Variants in SERPINB7 observed in about 807,000 individuals in gnomAD.
SERPINB7 encodes the protein serpin B7.
A neutral mutation model predicts 37.4 loss-of-function variants in SERPINB7; 31 were observed. The ratio of observed to expected loss-of-function variants is 0.83; its 90% CI spans 0.62 to 1.12. The LOEUF is 1.12. SERPINB7 is among the 50% of genes most tolerant of loss of function. The pLI is 0.00. For synonymous variants in SERPINB7, 163 were observed against 166.1 expected (o/e 0.98, Z 0.14); for missense variants, 521 against 455.3 (o/e 1.14, Z -1.31).
At chr18:63,769,388 G>C (rs1316788686) in intron 1 of SERPINB7, among the ~76,000 whole-genome samples, 2 of 151,886 alleles carry the variant, frequency 1.3e-5, no homozygotes, top group Admixed American at 1.3e-4. Context: ...GAAACCACTT[G>C]TTAGAGACTT....
upstream of SERPINB7, among the ~76,000 whole-genome samples, chr18:63,771,976 T>A (rs897619434): frequency 1.3e-4 from 19 of 151,968 alleles, no homozygotes; most frequent in Non-Finnish European, 2.1e-4. Flanking sequence ...TTTTTTAACT[T>A]TTATTTTAAG....
chr18:63,796,480 GCTC>G (rs1431918092), intron 5 of SERPINB7, 97 bp downstream of exon 5: 1 of 641,468 alleles, frequency 1.6e-6, no homozygotes, highest in Non-Finnish European at 2.8e-6. Flanking sequence ...ACAAGGAACA[GCTC>G]CTCCTAGTTC....
rs1568208053 is a variant in SERPINB7, at chr18:63,783,274, GAAA to G, written c.168+735_168+737del. The stretch of plus-strand genomic sequence containing the variant: ...AGAAAGAAAGAAAGAAAGAAAGAAA[GAAA>G]GAAAGAAAGAAAGAAAGAAATGCAA... On this transcript the variant is annotated intron_variant, in intron 2 of 7. Coordinates refer to ENST00000398019, the MANE Select transcript of SERPINB7 (RefSeq NM_003784.4). Among the ~76,000 whole-genome samples, 222 of 149,514 alleles carry G rather than the reference GAAA, an allele frequency of 1.5e-3. 5 individuals carry two copies. The highest frequency in any genetic ancestry group is 9.9e-3 in the South Asian group (46 of 4,636).
chr18:63,790,876 C>T (rs1349648235), intron 2 of SERPINB7, among the ~76,000 whole-genome samples: 3 of 152,132 alleles, frequency 2.0e-5, no homozygotes, highest in Non-Finnish European at 4.4e-5. Context: ...ATAGCAAAGA[C>T]TTGGAACCAA....
intron 2 of SERPINB7, among the ~76,000 whole-genome samples, chr18:63,783,852 A>G (rs564785245): frequency 1.3e-5 from 2 of 152,326 alleles, no homozygotes; most frequent in East Asian, 3.9e-4. Flanking sequence ...GTAACCTGTC[A>G]TACCTCAGGT....
Position 63,791,776 on chromosome 18 carries a change from A to G in SERPINB7, c.169-617A>G, listed in dbSNP as rs181870419. Among the ~76,000 whole-genome samples, 970 of 142,066 alleles carry G rather than the reference A, an allele frequency of 6.8e-3. 4 individuals carry two copies. Among genetic ancestry groups the G allele is most frequent in the Non-Finnish European group, 0.011 (721 of 63,696 alleles). 93.2% of individuals were successfully genotyped at this position (142,066 alleles called of 152,430 possible). On this transcript the variant is annotated intron_variant, in intron 2 of 7. Coordinates refer to ENST00000398019, the MANE Select transcript of SERPINB7 (RefSeq NM_003784.4). ...TAGGCGCCCACCACCACAACCAGCT[A>G]ATTTTTTGTATTTTTAGTAGAGACG...
chr18:63,790,354 G>A (rs1374463882), intron 2 of SERPINB7, among the ~76,000 whole-genome samples: 1 of 152,198 alleles, frequency 6.6e-6, no homozygotes, highest in East Asian at 1.9e-4. Context: ...TGGTGAGGTT[G>A]ATGACAACAA....
At chr18:63,766,037 C>T (rs888951051) in intron 1 of SERPINB7, among the ~76,000 whole-genome samples, 1 of 152,122 alleles carries the variant, frequency 6.6e-6, no homozygotes, top group South Asian at 2.1e-4. Context: ...GCTGCTCTAC[C>T]TCCTGCAGCC....
intron 1 of SERPINB7, among the ~76,000 whole-genome samples, chr18:63,764,387 C>A (rs1182012988): frequency 6.6e-6 from 1 of 152,120 alleles, no homozygotes; most frequent in East Asian, 1.9e-4. Flanking sequence ...TGGTTTGGCC[C>A]TTTCTTGAAG....
rs137949084 is a variant in SERPINB7 at position 63,760,191 on chromosome 18, G to A, written c.-19+7071G>A. Among the ~76,000 whole-genome samples the A allele has an allele frequency of 6.8e-4, 103 of 152,324 alleles. No homozygotes were observed. In the Middle Eastern group the frequency reaches 0.014, roughly 20 times the overall value. Reference sequence around the variant, plus strand: ...CCAGGCTGAGGTGATCTCTGATGGAGATGAGGAACTTGTTGGGAACTGGAG... The same window carrying A: ...CCAGGCTGAGGTGATCTCTGATGGAAATGAGGAACTTGTTGGGAACTGGAG... On this transcript the variant is annotated intron_variant, in intron 1 of 7. Coordinates refer to the SERPINB7 transcript ENST00000336429.
intron 5 of SERPINB7, among the ~76,000 whole-genome samples, chr18:63,797,468 A>G (rs1365535416): frequency 6.6e-6 from 1 of 152,182 alleles, no homozygotes; most frequent in Non-Finnish European, 1.5e-5. Context: ...ATTCTATTTA[A>G]TATTTAACAT....
intron 1 of SERPINB7, among the ~76,000 whole-genome samples, chr18:63,766,033 C>T (rs1568201077): frequency 6.6e-6 from 1 of 152,112 alleles, no homozygotes; most frequent in Admixed American, 6.6e-5. Context: ...GGATGCTGCT[C>T]TACCTCCTGC....
intron 1 of SERPINB7, among the ~76,000 whole-genome samples, chr18:63,764,484 T>C (rs2049170173): frequency 6.6e-6 from 1 of 152,176 alleles, no homozygotes; most frequent in Non-Finnish European, 1.5e-5. Flanking sequence ...TTCTCACTCA[T>C]CTCTCAGGAG....
chr18:63,757,350 T>C (rs1405170033), intron 1 of SERPINB7, among the ~76,000 whole-genome samples: 1 of 152,192 alleles, frequency 6.6e-6, no homozygotes, highest in East Asian at 1.9e-4. Flanking sequence ...AAAATGGGAA[T>C]CAAAAACTAA....
At chr18:63,795,517 C>T (rs542340702) in intron 4 of SERPINB7, among the ~76,000 whole-genome samples, 2 of 150,378 alleles carry the variant, frequency 1.3e-5, no homozygotes, top group African/African-American at 4.9e-5. Flanking sequence ...GCTGACATCA[C>T]GCCATTGCAC....
chr18:63,804,548 C>A lies in SERPINB7; in HGVS notation c.1056C>A (p.Ser352=). ...TTGTAGAAAAGCAACTCCCTCAGTCCACGCTGTTTAGAGCTGACCACCCAT... is the reference window on the plus strand; with the variant it reads ...TTGTAGAAAAGCAACTCCCTCAGTCAACGCTGTTTAGAGCTGACCACCCAT... ...SNIVEKQLPQ[S]TLFRADHPFL... The change falls in exon 8 of 8, where the codon TCC becomes TCA. Residue 352 remains serine, a synonymous_variant. Transcript: ENST00000398019. 6.2e-7 allele frequency: 1 copy of A among 1,613,820 alleles called. No homozygotes were observed. The highest frequency in any genetic ancestry group is 2.2e-5 in the East Asian group (1 of 44,872).
chr18:63,763,819 T>C (rs1482786429), intron 1 of SERPINB7, among the ~76,000 whole-genome samples: 1 of 152,198 alleles, frequency 6.6e-6, no homozygotes, highest in African/African-American at 2.4e-5. Context: ...CCTGTGAACA[T>C]GAACTAATTA....
At chr18:63,759,853 C>G (rs1375644585) in intron 1 of SERPINB7, among the ~76,000 whole-genome samples, 1 of 152,022 alleles carries the variant, frequency 6.6e-6, no homozygotes, top group Admixed American at 6.5e-5. Flanking sequence ...CTTCTCACCT[C>G]CCCCCATGAT....
intron 1 of SERPINB7, among the ~76,000 whole-genome samples, chr18:63,768,296 C>T (rs1227326490): frequency 1.3e-5 from 2 of 151,700 alleles, no homozygotes; most frequent in Non-Finnish European, 2.9e-5. Context: ...TCATTCTACC[C>T]TTTTTTTCTT....
Sources: allele counts gnomAD v4.1 joint callset (sites outside exome capture counted in the v4.1 genomes callset), GRCh38; gene constraint gnomAD v4.1.1; transcripts MANE v1.5; gene names NCBI Gene and HGNC (gene_info 2026-07-23, HGNC 2026-07-21).